DNMT3A: variants seen among roughly 807,000 people sequenced by gnomAD.
DNMT3A encodes the protein DNA methyltransferase 3 alpha.
Under a neutral mutation model 117.6 loss-of-function variants are expected in DNMT3A, and 267 were observed. The observed-to-expected ratio is 2.27, with a 90% CI of 2.05 to 2.51. DNMT3A has a LOEUF of 2.51. DNMT3A is among the 30% of genes most tolerant of loss of function. The pLI is 0.00. For missense variants in DNMT3A, 1,029 were observed against 1,260.2 expected (o/e 0.82, Z 2.78); for synonymous variants, 432 against 474.8 (o/e 0.91, Z 1.17).
chr2:25,280,430 T>C (rs1395671912), intron 4 of DNMT3A, among the ~76,000 whole-genome samples: 2 of 151,402 alleles, frequency 1.3e-5, no homozygotes, highest in Admixed American at 6.6e-5. Flanking sequence ...GTGACATCTA[T>C]CAGTTCCCTG....
At position 25,281,722 on chromosome 2, in the gene DNMT3A, T is replaced by C; in HGVS notation, c.448+719A>G. 9.4e-7 allele frequency: 1 copy of C among 1,065,986 alleles called. No homozygotes were observed. The highest frequency in any genetic ancestry group is 1.6e-5 in the African/African-American group (1 of 61,204). The allele number at this position is 1,065,986 out of a possible 1,614,324, so 66.0% of individuals were successfully genotyped here. ...TCCTCATTACTAACATGTTTACAGC[T>C]CGGTTGGCCCTGAAATTGCTGGCTT... On this transcript the variant is annotated intron_variant, in intron 4 of 22. Coordinates refer to ENST00000321117, the MANE Select transcript of DNMT3A (RefSeq NM_022552.5). This position sits in a 1 kb window ranked among gnomAD's most constrained non-coding sequence, Gnocchi z 4.8.
chr2:25,251,885 G>T (rs1387559118), intron 6 of DNMT3A: 4 of 437,438 alleles, frequency 9.1e-6, no homozygotes, highest in African/African-American at 2.1e-5. Flanking sequence ...TGGGCCACCA[G>T]CTCCGCGTGC....
rs937728322 is a variant in DNMT3A, at chr2:25,248,170, T to G, written c.722A>C (p.Glu241Ala). The change falls in exon 7 of 23, where the codon GAG becomes GCG. Residue 241 changes from glutamate to alanine, a missense_variant. By Grantham distance (107) the Glu-to-Ala change is moderately radical. Transcript: ENST00000321117. ...CTGCTGCACAGCAGGAGGGCTGGCC[T>G]CCTCCACCTTCTGAGACTCCCCGGG... is the stretch of plus-strand genomic sequence containing the variant. ...QGPGESQKVE[E>A]ASPPAVQQPT... 1 of 1,613,880 alleles carries G rather than the reference T, an allele frequency of 6.2e-7. No homozygotes were observed. Among genetic ancestry groups the G allele is most frequent in the Non-Finnish European group, 8.5e-7 (1 of 1,179,952 alleles).
intron 2 of DNMT3A, among the ~76,000 whole-genome samples, chr2:25,313,513 T>C (rs952657512): frequency 3.9e-5 from 6 of 152,280 alleles, no homozygotes; most frequent in African/African-American, 1.4e-4. Flanking sequence ...TAGAAGCTAC[T>C]GAACACCTTA....
At chr2:25,295,411 G>A (rs1050499709) in intron 3 of DNMT3A, among the ~76,000 whole-genome samples, 3 of 152,270 alleles carry the variant, frequency 2.0e-5, no homozygotes, top group Non-Finnish European at 4.4e-5. Context: ...CAGTGCTGCA[G>A]ACAACTAGGC....
At position 25,241,584 on chromosome 2, in the gene DNMT3A, A is replaced by T; in HGVS notation, c.2060T>A (p.Val687Asp). 1 of 1,613,948 alleles carries T rather than the reference A, an allele frequency of 6.2e-7. No individual in the cohort carries two copies. Among genetic ancestry groups the T allele is most frequent in the Non-Finnish European group, 8.5e-7 (1 of 1,179,928 alleles). ...HQGKIMYVGDVRSVTQKHIQE... is the reference protein window; with the variant it reads ...HQGKIMYVGDDRSVTQKHIQE... Reference sequence around the variant, plus strand: ...TACATGCTTCTGTGTGACGCTGCGGACGTCCCCGACGTACATGATCTTCCC... The same window carrying T: ...TACATGCTTCTGTGTGACGCTGCGGTCGTCCCCGACGTACATGATCTTCCC... The change falls in exon 17 of 23, where the codon GTC (valine) becomes GAC (aspartate). Residue 687 changes from valine (V) to aspartate (D), a missense_variant. Val to Asp is a radical substitution (Grantham distance 152). Coordinates refer to ENST00000321117, the MANE Select transcript of DNMT3A (RefSeq NM_022552.5).
Position 25,240,401 on chromosome 2 carries a change from C to T in DNMT3A, c.2223G>A (p.Ala741=), listed in dbSNP as rs1673855312. The T allele has an allele frequency of 1.9e-6, 3 of 1,613,816 alleles. No individual in the cohort carries two copies. The highest frequency in any genetic ancestry group is 2.5e-6 in the Non-Finnish European group (3 of 1,179,854). The change falls in exon 19 of 23, where the codon GCG becomes GCA. Residue 741 remains alanine, a synonymous_variant. Transcript: ENST00000321117. The stretch of plus-strand genomic sequence containing the variant: ...GGCGATCATCTCCCTCCTTGGGCCG[C>T]GCATCATGCAGGAGGCGGTAGAACT... ...FFEFYRLLHD[A]RPKEGDDRPF...
intron 6 of DNMT3A, among the ~76,000 whole-genome samples, chr2:25,248,902 A>T (rs1675189514): frequency 6.6e-6 from 1 of 152,174 alleles, no homozygotes; most frequent in African/African-American, 2.4e-5. Context: ...GTTTTAGGGT[A>T]CATGTGCACA....
At chr2:25,290,320 A>ATTTTTTTTTTTTTTT (rs1249490029) in intron 3 of DNMT3A, among the ~76,000 whole-genome samples, 5 of 126,542 alleles carry the variant, frequency 4.0e-5, no homozygotes, top group South Asian at 2.6e-4. Flanking sequence ...TATGGAAGTG[A>ATTTTTTTTTTTTTTT]TTTTTTTTTT....
At chr2:25,255,316 G>A (rs144743821) in intron 6 of DNMT3A, among the ~76,000 whole-genome samples, 38 of 152,252 alleles carry the variant, frequency 2.5e-4, no homozygotes, top group Non-Finnish European at 4.9e-4. Flanking sequence ...AAACCTCCCT[G>A]GTAGTTTACC....
In DNMT3A at chr2:25,234,914, G is replaced by C. The variant is rs1163011094; in HGVS notation, c.2598-494C>G. Among the ~76,000 whole-genome samples the C allele has an allele frequency of 1.3e-5, 2 of 152,132 alleles. No individual in the cohort carries two copies. Among genetic ancestry groups the C allele is most frequent in the Non-Finnish European group, 2.9e-5 (2 of 68,030 alleles). ...GACTTCAGAAGCTGAAGGATTTCCT[G>C]TTTGCTCTGGTTGTTTGTGTAAATG... is the stretch of plus-strand genomic sequence containing the variant. On this transcript the variant is annotated intron_variant, in intron 22 of 22. Transcript: ENST00000321117. The surrounding 1 kb of genome is among the most constrained non-coding windows in gnomAD (Gnocchi z 4.5).
intron 3 of DNMT3A, among the ~76,000 whole-genome samples, chr2:25,290,320 A>ATTTTT (rs1249490029): frequency 1.6e-5 from 2 of 126,506 alleles, no homozygotes; most frequent in African/African-American, 6.1e-5. Context: ...TATGGAAGTG[A>ATTTTT]TTTTTTTTTT....
rs780666472 is a variant in DNMT3A, at chr2:25,234,295, T to C, written c.2723A>G (p.Tyr908Cys). 11 of 1,613,580 alleles carry C rather than the reference T, an allele frequency of 6.8e-6. No individual in the cohort carries two copies. The highest frequency in any genetic ancestry group is 1.1e-5 in the South Asian group (1 of 90,998). ...CCATGTCCCTTACACACACGCAAAA[T>C]ACTCCTTCAGCGGAGCGAAGAGGTG... ...IRHLFAPLKE[Y>C]FACV The change falls in exon 23 of 23, where the codon TAT (tyrosine) becomes TGT (cysteine). Residue 908 changes from tyrosine to cysteine, a missense_variant. Coordinates refer to ENST00000321117, the MANE Select transcript of DNMT3A (RefSeq NM_022552.5). The surrounding 1 kb of genome is among the most constrained non-coding windows in gnomAD (Gnocchi z 4.5).
Position 25,275,074 on chromosome 2 carries a change from CG to C in DNMT3A, c.505del (p.Arg169GlyfsTer56), listed in dbSNP as rs1458590320. ...ESMKMEGSRG[R>X]LRGGLGWESS... ...CTCCCAGCCCAAGCCACCCCGCAGC[CG>C]GCCCCGGGAGCCCTAGGACAGAGAG... On this transcript the variant is annotated frameshift_variant, in exon 6 of 23. Transcript: ENST00000321117. LOFTEE classifies it high-confidence loss of function. The C allele has an allele frequency of 6.3e-7, 1 of 1,589,586 alleles. No homozygotes were observed. The highest frequency in any genetic ancestry group is 8.6e-7 in the Non-Finnish European group (1 of 1,168,264).
chr2:25,310,284 C>T (rs2034036655), intron 2 of DNMT3A, among the ~76,000 whole-genome samples: 1 of 151,526 alleles, frequency 6.6e-6, no homozygotes, highest in African/African-American at 2.4e-5. Flanking sequence ...CCACCCTCTG[C>T]TCCATACTCC....
chr2:25,301,792 C>T (rs1270205393), intron 2 of DNMT3A, among the ~76,000 whole-genome samples: 5 of 152,188 alleles, frequency 3.3e-5, no homozygotes, highest in African/African-American at 4.8e-5. Flanking sequence ...TGGGCCCTCC[C>T]CAAGGAGGGG....
chr2:25,252,301 G>A lies in DNMT3A; in HGVS notation c.640-4049C>T. ...TGGGGGAGGGGAAGGGGGCGATGGG[G>A]CTGGGGGCGGAGGGGGCCACTGGGA... On this transcript the variant is annotated intron_variant, in intron 6 of 22. Transcript: ENST00000321117. The surrounding 1 kb of genome is among the most constrained non-coding windows in gnomAD (Gnocchi z 5.5). The A allele has an allele frequency of 2.1e-6, 2 of 945,918 alleles. No homozygotes were observed. Among genetic ancestry groups the A allele is most frequent in the South Asian group, 1.9e-5 (1 of 53,780 alleles). The allele number at this position is 945,918 out of a possible 1,614,324, so 58.6% of individuals were successfully genotyped here.
Position 25,234,469 on chromosome 2 carries a change from G to A in DNMT3A, c.2598-49C>T. ...GCAGGGTGAGTGCTGGCCAGACCAG[G>A]CTGCCCGGAAGCCGTCTAACCACAC... is the stretch of plus-strand genomic sequence containing the variant. On this transcript the variant is annotated intron_variant, in intron 22 of 22. Transcript: ENST00000321117. The surrounding 1 kb of genome is among the most constrained non-coding windows in gnomAD (Gnocchi z 4.5). 3.8e-6 allele frequency: 6 copies of A among 1,573,980 alleles called. No individual in the cohort carries two copies. Among genetic ancestry groups the A allele is most frequent in the Middle Eastern group, 1.7e-4 (1 of 5,856 alleles).
At chr2:25,260,321 A>C (rs188453764) in intron 6 of DNMT3A, among the ~76,000 whole-genome samples, 20 of 152,276 alleles carry the variant, frequency 1.3e-4, no homozygotes, top group African/African-American at 4.8e-4. Flanking sequence ...TCAAACCTAC[A>C]AGTACTGTCC....
Sources: allele counts gnomAD v4.1 joint callset (sites outside exome capture counted in the v4.1 genomes callset), GRCh38; gene constraint gnomAD v4.1.1; non-coding constraint Gnocchi (gnomAD v3.1); transcripts MANE v1.5; gene names NCBI Gene and HGNC (gene_info 2026-07-23, HGNC 2026-07-21).